Variants in PLCB1 observed in about 807,000 individuals in gnomAD.
The protein encoded by PLCB1 is 1-phosphatidylinositol 4,5-bisphosphate phosphodiesterase beta-1.
A neutral mutation model predicts 161.8 loss-of-function variants in PLCB1; 46 were observed. The ratio of observed to expected loss-of-function variants is 0.28; its 90% CI spans 0.22 to 0.36. The LOEUF (loss-of-function observed/expected upper bound fraction) is 0.36. Ranked by LOEUF, PLCB1 falls within the 10% of genes least tolerant of loss-of-function variation. The probability of loss-of-function intolerance (pLI) is 1.00; values close to 1 mark genes in which losing one functional copy is unlikely to be tolerated. For missense variants in PLCB1, 1,016 were observed against 1,472.5 expected, an observed-to-expected ratio of 0.69 and a Z score of 5.07; for synonymous variants, 517 against 503.7, an observed-to-expected ratio of 1.03 and a Z score of -0.35.
intron 1 of PLCB1, among the ~76,000 whole-genome samples, chr20:8,141,124 G>A (rs1415029329): frequency 6.6e-6 from 1 of 152,162 alleles, no homozygotes; most frequent in Non-Finnish European, 1.5e-5. Context: ...GAGTCTAAAT[G>A]AATACAAGTT....
At chr20:8,489,376 G>C (rs1982854442) in intron 3 of PLCB1, among the ~76,000 whole-genome samples, 1 of 152,142 alleles carries the variant, frequency 6.6e-6, no homozygotes, top group Non-Finnish European at 1.5e-5. Flanking sequence ...TTTCATTAAA[G>C]GTGAGTATTG....
At chr20:8,663,305 G>A (rs950872723) in intron 9 of PLCB1, among the ~76,000 whole-genome samples, 61 of 151,846 alleles carry the variant, frequency 4.0e-4, no homozygotes, top group Admixed American at 7.9e-4. Flanking sequence ...TAGGTGTTAA[G>A]CAAATAAATA....
chr20:8,352,565 T>A (rs1986214672), intron 2 of PLCB1, among the ~76,000 whole-genome samples: 1 of 151,982 alleles, frequency 6.6e-6, no homozygotes, highest in East Asian at 1.9e-4. Flanking sequence ...ATCAAGAGAA[T>A]CCCAGGATGG....
At chr20:8,682,419 C>T (rs1269088334) in intron 9 of PLCB1, among the ~76,000 whole-genome samples, 1 of 152,068 alleles carries the variant, frequency 6.6e-6, no homozygotes, top group Non-Finnish European at 1.5e-5. Flanking sequence ...GGAGGATTGC[C>T]CGAGCCCAGG....
intron 31 of PLCB1, among the ~76,000 whole-genome samples, chr20:8,837,055 C>T (rs1031971008): frequency 3.3e-5 from 5 of 152,072 alleles, no homozygotes; most frequent in Admixed American, 6.5e-5. Context: ...GCTTCAGCCC[C>T]GATGAAGCTG....
chr20:8,785,252 A>G (rs1406020564), intron 27 of PLCB1, among the ~76,000 whole-genome samples: 1 of 152,128 alleles, frequency 6.6e-6, no homozygotes, highest in Non-Finnish European at 1.5e-5. Context: ...AATGCTTTTC[A>G]AACTCTAATG....
At position 8,275,738 on chromosome 20, in the gene PLCB1, G is replaced by A. The variant is rs73895723; in HGVS notation, c.178-95644G>A. ...CAGTAAAGGGTTTTAACCTAAGCCC[G>A]GAAAGTTACTGCTATTTCCTTTGCA... On this transcript the variant is annotated intron_variant, in intron 2 of 31. Transcript: ENST00000338037. Among the ~76,000 whole-genome samples the A allele has an allele frequency of 8.4e-3, 1,282 of 152,230 alleles. 17 individuals are homozygous for A. The highest frequency in any genetic ancestry group is 0.028 in the African/African-American group (1,175 of 41,530).
intron 31 of PLCB1, among the ~76,000 whole-genome samples, chr20:8,793,826 C>T (rs1166949445): frequency 2.0e-5 from 3 of 152,152 alleles, no homozygotes; most frequent in Admixed American, 2.0e-4. Flanking sequence ...TGGGAATTTC[C>T]TCTTCCTAAT....
intron 3 of PLCB1, among the ~76,000 whole-genome samples, chr20:8,387,748 G>A (rs974276522): frequency 6.6e-6 from 1 of 152,120 alleles, no homozygotes; most frequent in Non-Finnish European, 1.5e-5. Flanking sequence ...TGTAGCTATT[G>A]TAGTCAAATC....
chr20:8,164,868 A>G (rs771643774), intron 2 of PLCB1, among the ~76,000 whole-genome samples: 2 of 152,224 alleles, frequency 1.3e-5, no homozygotes, highest in Non-Finnish European at 2.9e-5. Context: ...GAATGAATCA[A>G]TCCCCTTCAT....
chr20:8,510,247 A>G (rs1688611512), intron 3 of PLCB1, among the ~76,000 whole-genome samples: 1 of 152,234 alleles, frequency 6.6e-6, no homozygotes, highest in African/African-American at 2.4e-5. Flanking sequence ...TCTATCAACC[A>G]TGTGATTTCA....
intron 18 of PLCB1, among the ~76,000 whole-genome samples, chr20:8,732,825 T>C (rs1306212410): frequency 7.1e-6 from 1 of 140,500 alleles, no homozygotes; most frequent in East Asian, 2.1e-4. Context: ...AGATATTTTG[T>C]ATATACTATA....
At chr20:8,139,761 G>T (rs1404704975) in intron 1 of PLCB1, among the ~76,000 whole-genome samples, 1 of 152,108 alleles carries the variant, frequency 6.6e-6, no homozygotes, top group East Asian at 1.9e-4. Context: ...TCCTCCCCAG[G>T]TGTGCTGTGT....
intron 3 of PLCB1, among the ~76,000 whole-genome samples, chr20:8,443,676 A>G (rs1287930313): frequency 6.6e-6 from 1 of 152,216 alleles, no homozygotes; most frequent in African/African-American, 2.4e-5. Flanking sequence ...TGGAGGGCAG[A>G]AGAAGAGCAG....
chr20:8,712,030 C>T (rs1004072970), intron 12 of PLCB1, among the ~76,000 whole-genome samples: 15 of 152,114 alleles, frequency 9.9e-5, no homozygotes, highest in Admixed American at 2.0e-4. Flanking sequence ...GGACAGGGCA[C>T]GGTGGCTCAC....
intron 31 of PLCB1, among the ~76,000 whole-genome samples, chr20:8,830,801 G>T (rs1985944640): frequency 6.6e-6 from 1 of 152,120 alleles, no homozygotes; most frequent in South Asian, 2.1e-4. Flanking sequence ...TTCTAGCCCA[G>T]ATTTTGCATA....
chr20:8,731,244 T>A (rs1980228194), intron 18 of PLCB1, among the ~76,000 whole-genome samples: 1 of 151,968 alleles, frequency 6.6e-6, no homozygotes, highest in Non-Finnish European at 1.5e-5. Context: ...TTGCAGTACG[T>A]ATGATAATTT....
At chr20:8,696,217 T>A (rs1194013320) in intron 10 of PLCB1, among the ~76,000 whole-genome samples, 1 of 152,204 alleles carries the variant, frequency 6.6e-6, no homozygotes, top group Non-Finnish European at 1.5e-5. Flanking sequence ...CTTTTTTTAT[T>A]TTTATGTGGC....
intron 31 of PLCB1, among the ~76,000 whole-genome samples, chr20:8,858,911 G>A (rs1332943653): frequency 2.5e-5 from 1 of 40,052 alleles, no homozygotes; most frequent in South Asian, 9.5e-4. Flanking sequence ...ATTTGAGTGT[G>A]CAAAAAAAAA....
Sources: gnomAD v4.1 joint callset for allele counts (sites outside exome capture counted in the v4.1 genomes callset) on GRCh38, gnomAD v4.1.1 for gene constraint, MANE v1.5 for transcripts, NCBI Gene and HGNC (gene_info 2026-07-23, HGNC 2026-07-21) for gene names.